The following WT1 variants were observed in gnomAD, a reference collection of about 807,000 sequenced individuals.
The protein encoded by WT1 is WT1 transcription factor.
Under a neutral mutation model 60.8 loss-of-function variants are expected in WT1, and 8 were observed. The observed-to-expected ratio is 0.13, with a 90% CI of 0.08 to 0.24. The LOEUF (loss-of-function observed/expected upper bound fraction) is 0.24, where lower values mean the gene tolerates loss of function less well. Among genes scored for constraint, WT1 ranks in the 10% least tolerant of loss-of-function variants. The pLI is 1.00. For synonymous variants in WT1, 312 were observed against 297.1 expected, an observed-to-expected ratio of 1.05 and a Z score of -0.52; for missense variants, 568 against 711.8, an observed-to-expected ratio of 0.80 and a Z score of 2.30.
rs528410983 is a variant in WT1 at position 32,421,644 on chromosome 11, A to G, written c.888-3990T>C. Among the ~76,000 whole-genome samples, 3 of 152,316 alleles carry G rather than the reference A, an allele frequency of 2.0e-5. No individual in the cohort carries two copies. The East Asian group carries it at 5.8e-4, about 29-fold the overall frequency. ...AAAAGGGGGAGCTTAAAAGGAAATC[A>G]GTAGTAGATCATATAGAGTTTGTTT... On this transcript the variant is annotated intron_variant, in intron 3 of 9. Coordinates refer to ENST00000452863, the MANE Select transcript of WT1 (RefSeq NM_024426.6).
chr11:32,428,201 C>T, intron 2 of WT1, 143 bp from the exon 3 acceptor site: 1 of 908,884 alleles, frequency 1.1e-6, no homozygotes, highest in Non-Finnish European at 1.7e-6. Context: ...CGAGGCCGTC[C>T]AGAATGCAAG....
At chr11:32,417,698 T>C (rs2133038124) in intron 3 of WT1, 44 bp from the exon 4 acceptor site, 1 of 1,512,004 alleles carries the variant, frequency 6.6e-7, no homozygotes, top group Non-Finnish European at 9.2e-7. Flanking sequence ...AACCACAAAA[T>C]AATACACAAC....
chr11:32,401,506 G>A (rs78610193), intron 5 of WT1, among the ~76,000 whole-genome samples: 2 of 61,202 alleles, frequency 3.3e-5, no homozygotes, highest in Admixed American at 1.9e-4. Flanking sequence ...AAAAATTATC[G>A]GGGGGGGGTG....
intron 5 of WT1, among the ~76,000 whole-genome samples, chr11:32,403,709 G>A (rs1184542666): frequency 1.3e-5 from 2 of 151,512 alleles, no homozygotes; most frequent in Admixed American, 1.3e-4. Context: ...TGAGTAGCTG[G>A]GAATGCAGGC....
At chr11:32,412,652 C>T (rs1852538229) in intron 5 of WT1, among the ~76,000 whole-genome samples, 1 of 149,828 alleles carries the variant, frequency 6.7e-6, no homozygotes, top group African/African-American at 2.4e-5. Flanking sequence ...CAATAGAAGG[C>T]TTCAAAATGG....
rs5030226 is a variant in WT1 at position 32,411,958 on chromosome 11, G to C, written c.1016+4532C>G. Among the ~76,000 whole-genome samples the C allele has an allele frequency of 3.4e-3, 518 of 152,336 alleles. 3 individuals are homozygous for C. Among genetic ancestry groups the C allele is most frequent in the African/African-American group, 0.012 (489 of 41,574 alleles). Reference sequence around the variant, plus strand: ...TTAATAACTTGTTGCTGGGGGTGGAGATGGAGTAGGCTCGGCAATGCTGAT... The same window carrying C: ...TTAATAACTTGTTGCTGGGGGTGGACATGGAGTAGGCTCGGCAATGCTGAT... On this transcript the variant is annotated intron_variant, in intron 5 of 9. Coordinates refer to ENST00000452863, the MANE Select transcript of WT1 (RefSeq NM_024426.6).
intron 3 of WT1, among the ~76,000 whole-genome samples, chr11:32,427,361 G>A (rs1853087520): frequency 6.6e-6 from 1 of 152,236 alleles, no homozygotes; most frequent in Non-Finnish European, 1.5e-5. Flanking sequence ...CTCACAGGAA[G>A]AAGGTCCCAC....
intron 9 of WT1, among the ~76,000 whole-genome samples, chr11:32,390,952 A>G (rs183201967): frequency 2.0e-5 from 3 of 148,488 alleles, no homozygotes; most frequent in African/African-American, 7.6e-5. Flanking sequence ...GGAATAAAAC[A>G]TGCCTACCTC....
chr11:32,429,472 C>T (rs1351978384), intron 1 of WT1, among the ~76,000 whole-genome samples: 2 of 147,860 alleles, frequency 1.4e-5, no homozygotes, highest in African/African-American at 4.9e-5. Context: ...TCCCCCCCCC[C>T]CCCAAAGTGA....
rs1271732325 is a variant in WT1 at position 32,427,993 on chromosome 11, C to T, written c.850G>A (p.Gly284Ser). The change falls in exon 3 of 10, where the codon GGC becomes AGC. Residue 284 changes from glycine (G) to serine (S), a missense_variant. Gly to Ser is a moderately conservative substitution (Grantham distance 56, BLOSUM62 0). Around this residue, in one of 3 missense-constraint regions of WT1, gnomAD observed 523 missense variants for 565.1 expected, o/e 0.93. Transcript: ENST00000452863. ...GTCCTCAGCAGCAAAGCCTGGCTGC[C>T]GGTGCAGCTGTCGGTGGGGGTGTGG... The T allele has an allele frequency of 1.9e-6, 3 of 1,611,740 alleles. No individual in the cohort carries two copies. The highest frequency in any genetic ancestry group is 1.3e-5 in the African/African-American group (1 of 74,900).
At chr11:32,430,923 G>C (rs1017628640) in intron 1 of WT1, 7 of 1,040,926 alleles carry the variant, frequency 6.7e-6, no homozygotes, top group Non-Finnish European at 8.3e-6. Context: ...GAGAGTGCGG[G>C]GGCAGGGGCC....
intron 7 of WT1, among the ~76,000 whole-genome samples, chr11:32,395,133 A>G (rs1851929104): frequency 6.6e-6 from 1 of 152,274 alleles, no homozygotes. Context: ...TGGTCCAAGG[A>G]AATCTGAATG....
chr11:32,428,329 G>A lies in WT1; in HGVS notation c.784+168C>T, dbSNP rs139960084. Among the ~76,000 whole-genome samples, 13 of 152,358 alleles carry A rather than the reference G, an allele frequency of 8.5e-5. No individual in the cohort carries two copies. In the East Asian group the frequency reaches 1.5e-3, roughly 18 times the overall value. ...ATGTCCCTAACGTACTTGGGATGGA[G>A]GGAGACCCAGTCTTGTCCTTTAAAT... is the stretch of plus-strand genomic sequence containing the variant. On this transcript the variant is annotated intron_variant, in intron 2 of 9. Transcript: ENST00000452863.
chr11:32,425,201 A>C (rs1193025609), intron 3 of WT1, among the ~76,000 whole-genome samples: 2 of 145,630 alleles, frequency 1.4e-5, no homozygotes, highest in African/African-American at 5.1e-5. Context: ...AAAAAAAAAG[A>C]CTGGGGAAGA....
At chr11:32,417,708 CTG>C in intron 3 of WT1, 54 bp from the exon 4 acceptor site, 1 of 1,475,234 alleles carries the variant, frequency 6.8e-7, no homozygotes, top group Non-Finnish European at 9.5e-7. Context: ...TAATACACAA[CTG>C]TTTCTTCAAA....
chr11:32,432,886 T>C (rs945084597), intron 1 of WT1, among the ~76,000 whole-genome samples: 46 of 152,236 alleles, frequency 3.0e-4, no homozygotes, highest in African/African-American at 1.1e-3. Flanking sequence ...TAGTATTTTG[T>C]GCCCCAGGGG....
At chr11:32,425,400 G>A (rs1564992931) in intron 3 of WT1, among the ~76,000 whole-genome samples, 1 of 152,172 alleles carries the variant, frequency 6.6e-6, no homozygotes, top group Admixed American at 6.5e-5. Context: ...AGGGTGTTAA[G>A]CAATTAAAGT....
intron 1 of WT1, chr11:32,430,632 C>T (rs927488332): frequency 6.5e-6 from 10 of 1,527,452 alleles, no homozygotes; most frequent in African/African-American, 1.4e-5. Flanking sequence ...GGCCGTGGGT[C>T]CCGAGTCGCG....
chr11:32,427,812 G>T, intron 3 of WT1, 144 bp downstream of exon 3: 1 of 604,126 alleles, frequency 1.7e-6, no homozygotes, highest in Non-Finnish European at 2.9e-6. Flanking sequence ...CTAAGTAGTA[G>T]AGTGGAGTCG....
Sources: gnomAD v4.1 joint callset for allele counts (sites outside exome capture counted in the v4.1 genomes callset) on GRCh38, gnomAD v4.1.1 for gene constraint, gnomAD v4.1.1 regional missense constraint, MANE v1.5 for transcripts, NCBI Gene and HGNC (gene_info 2026-07-23, HGNC 2026-07-21) for gene names.